SMCO4: variants seen among roughly 807,000 people sequenced by gnomAD.
SMCO4 encodes single-pass membrane protein with coiled-coil domains 4.
In SMCO4, 4 loss-of-function variants were observed where a neutral mutation model predicts 3.6. The observed-to-expected ratio is 1.11, with a 90% CI of 0.54 to 2.53. The LOEUF is 2.53. Ranked by LOEUF, SMCO4 falls within the 30% of genes most tolerant of loss-of-function variation. SMCO4 has a pLI of 0.02. For missense variants in SMCO4, 70 were observed against 80.8 expected (o/e 0.87, Z 0.51); for synonymous variants, 36 against 35.3 (o/e 1.02, Z -0.07).
At chr11:93,535,193 T>C (rs1949207203) in intron 1 of SMCO4, among the ~76,000 whole-genome samples, 1 of 152,152 alleles carries the variant, frequency 6.6e-6, no homozygotes. Flanking sequence ...AAAATTAAAA[T>C]GTCCTATTAC....
At chr11:93,479,426 A>G (rs1293228956) in intron 2 of SMCO4, 157 bp from the exon 3 acceptor site, 2 of 682,144 alleles carry the variant, frequency 2.9e-6, no homozygotes, top group African/African-American at 1.8e-5. Flanking sequence ...TCTTGGGATC[A>G]GCGCTCTAAG....
chr11:93,550,569 G>T, the SMCO4 span, among the ~76,000 whole-genome samples: 1 of 152,216 alleles, frequency 6.6e-6, no homozygotes, highest in Non-Finnish European at 1.5e-5. Context: ...CAGCTACTTG[G>T]GGGGCTGAGG....
rs182430610 is a variant in SMCO4, at chr11:93,494,816, G to A, written c.-81+4460C>T. 1.7e-4 allele frequency among the ~76,000 whole-genome samples: 26 copies of A among 152,196 alleles called. No homozygotes were observed. In the East Asian group the frequency reaches 3.1e-3, roughly 18 times the overall value. ...AATCCCTATTGTAAAAGACAAACCCGGTCCAGTAACTCCCTAGTATTTAAT... is the reference window on the plus strand; with the variant it reads ...AATCCCTATTGTAAAAGACAAACCCAGTCCAGTAACTCCCTAGTATTTAAT... On this transcript the variant is annotated intron_variant, in intron 2 of 2. Transcript: ENST00000298966.
intron 1 of SMCO4, among the ~76,000 whole-genome samples, chr11:93,534,343 TATATATAC>T (rs1279617328): frequency 1.4e-5 from 2 of 142,682 alleles, no homozygotes; most frequent in Non-Finnish European, 3.0e-5. Context: ...TATATACACA[TATATATAC>T]ACATACATAT....
At chr11:93,485,567 C>T (rs1948639064) in intron 2 of SMCO4, among the ~76,000 whole-genome samples, 1 of 152,232 alleles carries the variant, frequency 6.6e-6, no homozygotes, top group Non-Finnish European at 1.5e-5. Context: ...GCAGCACTGA[C>T]TGGCAGCTAC....
chr11:93,518,710 A>C (rs551412202), intron 1 of SMCO4, among the ~76,000 whole-genome samples: 2 of 152,344 alleles, frequency 1.3e-5, no homozygotes, highest in South Asian at 4.1e-4. Context: ...GCTAAGAGAA[A>C]AGATATGTAA....
chr11:93,502,101 G>C (rs1385637323), intron 1 of SMCO4, among the ~76,000 whole-genome samples: 1 of 151,956 alleles, frequency 6.6e-6, no homozygotes. Context: ...AATCTGGCAG[G>C]CAATGCAGGA....
upstream of SMCO4, among the ~76,000 whole-genome samples, chr11:93,547,345 G>T (rs1230094777): frequency 6.6e-6 from 1 of 152,190 alleles, no homozygotes; most frequent in East Asian, 1.9e-4. Context: ...TCAGGGCATT[G>T]TTACCAAAGA....
intron 1 of SMCO4, among the ~76,000 whole-genome samples, chr11:93,504,950 T>C (rs1948885051): frequency 6.6e-6 from 1 of 152,304 alleles, no homozygotes; most frequent in Non-Finnish European, 1.5e-5. Flanking sequence ...AACCACAGTG[T>C]AGGGTTTGTC....
the SMCO4 span, among the ~76,000 whole-genome samples, chr11:93,552,442 GTTATTATTATTATTA>G: frequency 0.057 from 7,369 of 130,220 alleles, 273 homozygotes; most frequent in Middle Eastern, 0.062. Context: ...GCCCAGCCAC[GTTATTATTATTATTA>G]TTATTATTAT....
At chr11:93,549,026 AGAAAGTTGGG>A in the SMCO4 span, among the ~76,000 whole-genome samples, 1 of 152,216 alleles carries the variant, frequency 6.6e-6, no homozygotes, top group Admixed American at 6.5e-5. Flanking sequence ...ACTTGGTCGT[AGAAAGTTGGG>A]GTTTTTCCGT....
chr11:93,545,711 T>C (rs1276162781), upstream of SMCO4, among the ~76,000 whole-genome samples: 2 of 151,566 alleles, frequency 1.3e-5, no homozygotes, highest in Non-Finnish European at 2.9e-5. Context: ...CATTTTACAC[T>C]AATGGCTTCT....
At chr11:93,534,495 C>A (rs1057127123) in intron 1 of SMCO4, among the ~76,000 whole-genome samples, 1 of 151,916 alleles carries the variant, frequency 6.6e-6, no homozygotes, top group Non-Finnish European at 1.5e-5. Context: ...AAACATTATT[C>A]TTTTAATCTT....
At chr11:93,530,768 C>G (rs1440126524) in intron 1 of SMCO4, among the ~76,000 whole-genome samples, 3 of 152,138 alleles carry the variant, frequency 2.0e-5, no homozygotes, top group Admixed American at 6.5e-5. Flanking sequence ...CACACAGCAG[C>G]TCCTCCCTCT....
intron 1 of SMCO4, among the ~76,000 whole-genome samples, chr11:93,511,256 C>T (rs943898580): frequency 2.0e-5 from 3 of 152,132 alleles, no homozygotes; most frequent in Non-Finnish European, 4.4e-5. Flanking sequence ...AATGAGACCC[C>T]TCCCTTCCTT....
At chr11:93,511,329 C>T (rs1948955131) in intron 1 of SMCO4, among the ~76,000 whole-genome samples, 1 of 152,092 alleles carries the variant, frequency 6.6e-6, no homozygotes, top group African/African-American at 2.4e-5. Context: ...CAGACGCTGC[C>T]CTAGGGACTG....
At chr11:93,550,569 G>A in the SMCO4 span, among the ~76,000 whole-genome samples, 1 of 152,216 alleles carries the variant, frequency 6.6e-6, no homozygotes, top group Non-Finnish European at 1.5e-5. Flanking sequence ...CAGCTACTTG[G>A]GGGGCTGAGG....
chr11:93,550,567 TG>T, the SMCO4 span, among the ~76,000 whole-genome samples: 1 of 152,078 alleles, frequency 6.6e-6, no homozygotes, highest in Non-Finnish European at 1.5e-5. Flanking sequence ...CCCAGCTACT[TG>T]GGGGGCTGAG....
intron 1 of SMCO4, among the ~76,000 whole-genome samples, chr11:93,525,945 G>A (rs1949102265): frequency 6.6e-6 from 1 of 152,122 alleles, no homozygotes; most frequent in South Asian, 2.1e-4. Context: ...AAACAGTTGT[G>A]AAAAAGCAAA....
Sources: gnomAD v4.1 joint callset for allele counts (sites outside exome capture counted in the v4.1 genomes callset) on GRCh38, gnomAD v4.1.1 for gene constraint, MANE v1.5 for transcripts, NCBI Gene and HGNC (gene_info 2026-07-23, HGNC 2026-07-21) for gene names.